KCP: variants seen among roughly 807,000 people sequenced by gnomAD.
The protein encoded by KCP is kielin/chordin-like protein.
A neutral mutation model predicts 212.7 loss-of-function variants in KCP; 194 were observed. The ratio of observed to expected loss-of-function variants is 0.91; its 90% CI spans 0.81 to 1.03. The LOEUF is 1.03. Among genes scored for constraint, KCP ranks in the 50% least tolerant of loss-of-function variants. The probability of loss-of-function intolerance (pLI) is 0.00; values close to 1 mark genes in which losing one functional copy is unlikely to be tolerated. For missense variants in KCP, 2,080 were observed against 2,162.5 expected, an observed-to-expected ratio of 0.96 and a Z score of 0.76; for synonymous variants, 833 against 865.3, an observed-to-expected ratio of 0.96 and a Z score of 0.65.
chr7:128,879,642 G>A lies in KCP; in HGVS notation c.4045-19C>T, dbSNP rs1793193670. The A allele has an allele frequency of 6.5e-7, 1 of 1,549,440 alleles. No individual in the cohort carries two copies. The highest frequency in any genetic ancestry group is 8.7e-7 in the Non-Finnish European group (1 of 1,146,050). Reference sequence around the variant, plus strand: ...CATCCACCTGGAGGATAAAGGAGGTGGGAGGAGGGGTGATGTCGAGGCACA... The same window carrying A: ...CATCCACCTGGAGGATAAAGGAGGTAGGAGGAGGGGTGATGTCGAGGCACA... On this transcript the variant is annotated intron_variant, in intron 36 of 39. Transcript: ENST00000610776.
chr7:128,882,840 G>A (rs1297218111), intron 29 of KCP, among the ~76,000 whole-genome samples: 2 of 152,212 alleles, frequency 1.3e-5, no homozygotes, highest in Admixed American at 6.5e-5. Context: ...CGGAGGCTGA[G>A]GCGGGTGGAT....
In KCP at chr7:128,894,012, C is replaced by A. The variant is rs1462821770; in HGVS notation, c.969G>T (p.Val323=). 2 of 1,550,238 alleles carry A rather than the reference C, an allele frequency of 1.3e-6. No individual in the cohort carries two copies. The highest frequency in any genetic ancestry group is 1.7e-6 in the Non-Finnish European group (2 of 1,146,414). The change falls in exon 10 of 40, where the codon GTG becomes GTT. Residue 323 remains valine (V), a synonymous_variant. Coordinates refer to ENST00000610776, the MANE Select transcript of KCP (RefSeq NM_001366122.1). The part of the protein sequence containing the change: ...NGREHRSGEP[V]GSGDPCSHCR... ...AGTGCGAGCAGGGGTCCCCTGAGCCCACAGGCTCCCCGCTGCGGTGCTCCC... is the reference window on the plus strand; with the variant it reads ...AGTGCGAGCAGGGGTCCCCTGAGCCAACAGGCTCCCCGCTGCGGTGCTCCC...
chr7:128,888,708 GC>G (rs1793898132), intron 22 of KCP, among the ~76,000 whole-genome samples, 154 bp downstream of exon 22: 1 of 152,094 alleles, frequency 6.6e-6, no homozygotes, highest in African/African-American at 2.4e-5. Flanking sequence ...ACACAGCCGT[GC>G]CCGGGACCTC....
At chr7:128,896,607 A>G (rs891069896) in intron 8 of KCP, among the ~76,000 whole-genome samples, 5 of 151,956 alleles carry the variant, frequency 3.3e-5, no homozygotes, top group African/African-American at 1.2e-4. Flanking sequence ...AGATCCCTCC[A>G]TGGCCGGTCG....
chr7:128,880,302 T>C, intron 34 of KCP, 84 bp downstream of exon 34: 2 of 1,439,668 alleles, frequency 1.4e-6, no homozygotes, highest in Non-Finnish European at 1.8e-6. Context: ...CCAGCCTCCC[T>C]CTCTGATGCC....
intron 21 of KCP, chr7:128,890,055 T>A (rs1793991788): frequency 2.3e-6 from 1 of 429,404 alleles, no homozygotes; most frequent in African/African-American, 2.0e-5. Flanking sequence ...CCGGAGTAGA[T>A]GGAACTACAA....
intron 1 of KCP, among the ~76,000 whole-genome samples, chr7:128,909,320 A>G (rs1795310339): frequency 1.3e-5 from 2 of 152,092 alleles, no homozygotes; most frequent in African/African-American, 2.4e-5. Flanking sequence ...AGGGAGAGGG[A>G]TGGGTCTTTC....
rs747888521 is a variant in KCP, at chr7:128,906,247, G to A, written c.571+32C>T. The A allele has an allele frequency of 5.9e-6, 9 of 1,516,610 alleles. No homozygotes were observed. In the South Asian group the frequency reaches 1.1e-4, roughly 18 times the overall value. The allele number at this position is 1,516,610 out of a possible 1,614,324, so 93.9% of individuals were successfully genotyped here. A position where few individuals can be genotyped will look rare whatever the true frequency, so the allele number is the denominator to read the frequency against. On this transcript the variant is annotated intron_variant, in intron 5 of 39. Transcript: ENST00000610776. Reference sequence around the variant, plus strand: ...GTCTGTGGGCCAGAGAAGGCAAGCAGGAGGTGGGGCTGAGACTGGCAGGAG... The same window carrying A: ...GTCTGTGGGCCAGAGAAGGCAAGCAAGAGGTGGGGCTGAGACTGGCAGGAG...
intron 5 of KCP, among the ~76,000 whole-genome samples, chr7:128,905,622 G>A (rs1362212174): frequency 1.3e-5 from 2 of 152,184 alleles, no homozygotes; most frequent in Non-Finnish European, 2.9e-5. Context: ...GCCCTCACCA[G>A]GTGAATATTC....
At chr7:128,879,479 G>T in intron 37 of KCP, 43 bp downstream of exon 37, 2 of 1,504,778 alleles carry the variant, frequency 1.3e-6, no homozygotes, top group Non-Finnish European at 1.8e-6. Flanking sequence ...CAGGACTGAA[G>T]CTCCCAGCAG....
chr7:128,877,838 C>A (rs1563016377), intron 38 of KCP, 48 bp from the exon 39 acceptor site: 5 of 1,481,796 alleles, frequency 3.4e-6, no homozygotes, highest in Non-Finnish European at 4.5e-6. Flanking sequence ...TGGCAGCTGG[C>A]CTCTGCATGC....
intron 22 of KCP, among the ~76,000 whole-genome samples, chr7:128,888,271 CAT>C (rs1297595542): frequency 1.3e-5 from 2 of 151,262 alleles, no homozygotes; most frequent in Non-Finnish European, 2.9e-5. Flanking sequence ...CACAGACACA[CAT>C]ACACTGTCAC....
chr7:128,906,371 A>C lies in KCP; in HGVS notation c.487-8T>G. The C allele has an allele frequency of 6.5e-7, 1 of 1,540,436 alleles. No individual in the cohort carries two copies. Among genetic ancestry groups the C allele is most frequent in the Non-Finnish European group, 8.8e-7 (1 of 1,138,444 alleles). On this transcript the variant is annotated splice_polypyrimidine_tract_variant and splice_region_variant and intron_variant, in intron 4 of 39. Transcript: ENST00000610776. ...GCAAGTGATGGTACCTTCCTGTGGG[A>C]GCAGACTGAGGTGGCTGCACAGACA...
At chr7:128,879,871 T>C (rs1351599208) in intron 35 of KCP, 42 bp from the exon 36 acceptor site, 1 of 1,551,068 alleles carries the variant, frequency 6.4e-7, no homozygotes, top group Non-Finnish European at 8.7e-7. Context: ...TCAGCAGGGC[T>C]GGGTGTAGGG....
intron 29 of KCP, among the ~76,000 whole-genome samples, chr7:128,882,278 T>G (rs545174411): frequency 6.6e-6 from 1 of 152,284 alleles, no homozygotes; most frequent in South Asian, 2.1e-4. Context: ...AACCATGGCT[T>G]CCTTAGCCTG....
chr7:128,887,039 T>G (rs11982744), intron 23 of KCP, 73 bp from the exon 24 acceptor site: 271,637 of 1,026,538 alleles, frequency 0.26, 42,797 homozygotes, highest in African/African-American at 0.63. Flanking sequence ...CTACTGAGCC[T>G]GCAGGGGCCC....
chr7:128,877,683 C>T lies in KCP; in HGVS notation c.4419G>A (p.Gly1473=). The part of the protein sequence containing the change: ...RARREANARC[G]VLKSSPFSRC... ...GACTGAATGGGGAGGACTTCAGCAC[C>T]CCACACCGGGCATTGGCCTCACGCC... Residue 1473 remains glycine, a synonymous_variant, in exon 39 of 40, where the codon GGG becomes GGA. Transcript: ENST00000610776. 2.6e-6 allele frequency: 4 copies of T among 1,551,438 alleles called. No individual in the cohort carries two copies. Among genetic ancestry groups the T allele is most frequent in the Non-Finnish European group, 3.5e-6 (4 of 1,146,990 alleles).
rs56144153 is a variant in KCP at position 128,904,080 on chromosome 7, G to T, written c.630C>A (p.Asn210Lys). The T allele has an allele frequency of 0.17, 270,219 of 1,551,150 alleles. 26,939 individuals are homozygous for T. The highest frequency in any genetic ancestry group is 0.52 in the East Asian group (21,396 of 40,874). Reference sequence around the variant, plus strand: ...CCAGGCAGGTGCACTGTAGACAAGGGTTGGAGCTGGACAGGAAGGTGACCC... The same window carrying T: ...CCAGGCAGGTGCACTGTAGACAAGGTTTGGAGCTGGACAGGAAGGTGACCC... The part of the protein sequence containing the change: ...EEGVTFLSSS[N>K]PCLQCTCLRS... The change falls in exon 6 of 40, where the codon AAC becomes AAA. Residue 210 changes from asparagine to lysine, a missense_variant. Coordinates refer to ENST00000610776, the MANE Select transcript of KCP (RefSeq NM_001366122.1).
Position 128,891,669 on chromosome 7 carries a change from G to T in KCP, c.1772C>A (p.Thr591Asn). Reference protein sequence around the residue: ...RAPCAHPLPGTCCPNDCSGCA... With the variant: ...RAPCAHPLPGNCCPNDCSGCA... Reference sequence around the variant, plus strand: ...ACCGCTGCAGTCGTTCGGGCAGCAGGTCCCAGGCAGCGGGTGGGCACAGGG... The same window carrying T: ...ACCGCTGCAGTCGTTCGGGCAGCAGTTCCCAGGCAGCGGGTGGGCACAGGG... The change falls in exon 17 of 40, where the codon ACC (threonine) becomes AAC (asparagine). Residue 591 changes from threonine (T) to asparagine (N), a missense_variant. Coordinates refer to ENST00000610776, the MANE Select transcript of KCP (RefSeq NM_001366122.1). 6.9e-7 allele frequency: 1 copy of T among 1,458,300 alleles called. No homozygotes were observed. Among genetic ancestry groups the T allele is most frequent in the East Asian group, 2.5e-5 (1 of 39,988 alleles). The allele number at this position is 1,458,300 out of a possible 1,614,324, so 90.3% of individuals were successfully genotyped here.
Sources: gnomAD v4.1 joint callset for allele counts (sites outside exome capture counted in the v4.1 genomes callset) on GRCh38, gnomAD v4.1.1 for gene constraint, MANE v1.5 for transcripts, NCBI Gene and HGNC (gene_info 2026-07-23, HGNC 2026-07-21) for gene names.